The following GRIA1 variants were observed in gnomAD, a reference collection of about 807,000 sequenced individuals.
GRIA1 encodes glutamate ionotropic receptor AMPA type subunit 1, also known as glutamate receptor 1.
In GRIA1, 31 loss-of-function variants were observed where a neutral mutation model predicts 99.2. The observed-to-expected ratio is 0.31, with a 90% CI of 0.23 to 0.42. GRIA1 has a LOEUF of 0.42. Among genes scored for constraint, GRIA1 ranks in the 10% least tolerant of loss-of-function variants. GRIA1 has a pLI of 1.00. For missense variants in GRIA1, 782 were observed against 1,157.5 expected, an observed-to-expected ratio of 0.68 and a Z score of 4.71; for synonymous variants, 438 against 432.4, an observed-to-expected ratio of 1.01 and a Z score of -0.16.
At chr5:153,692,319 A>G (rs1581479404) in intron 8 of GRIA1, among the ~76,000 whole-genome samples, 1 of 152,198 alleles carries the variant, frequency 6.6e-6, no homozygotes, top group East Asian at 1.9e-4. Context: ...TGATTGATCT[A>G]GATTGAGGTT....
intron 1 of GRIA1, chr5:153,492,414 T>A: frequency 9.3e-7 from 1 of 1,077,062 alleles, no homozygotes; most frequent in Non-Finnish European, 1.2e-6. Flanking sequence ...CAACCTCCCA[T>A]CCTTTCTCTT....
intron 11 of GRIA1, among the ~76,000 whole-genome samples, chr5:153,709,213 CTA>C (rs1759134040): frequency 2.0e-5 from 3 of 152,194 alleles, no homozygotes; most frequent in African/African-American, 7.2e-5. Flanking sequence ...ATGCACAGCA[CTA>C]TGTTAGACAC....
At chr5:153,576,997 AATGGATGG>A (rs143441412) in intron 2 of GRIA1, among the ~76,000 whole-genome samples, 16,102 of 90,562 alleles carry the variant, frequency 0.18, 2,323 homozygotes, top group East Asian at 0.78. Flanking sequence ...TGAGTGGATG[AATGGATGG>A]ATGGATGGAT....
rs111888093 is a variant in GRIA1, at chr5:153,521,515, T to C, written c.220+27450T>C. On this transcript the variant is annotated intron_variant, in intron 2 of 15. Transcript: ENST00000285900. ...TCAGTGGGGAAGGAGAAATAGATCT[T>C]CCCGGGCAAAAAGAAGCAGCTCAGT... Among the ~76,000 whole-genome samples, 605 of 152,276 alleles carry C rather than the reference T, an allele frequency of 4.0e-3. 5 individuals are homozygous for C. Among genetic ancestry groups the C allele is most frequent in the Admixed American group, 7.2e-3 (110 of 15,300 alleles).
intron 2 of GRIA1, among the ~76,000 whole-genome samples, chr5:153,580,118 A>G (rs1464505261): frequency 1.3e-5 from 2 of 152,156 alleles, no homozygotes; most frequent in Non-Finnish European, 2.9e-5. Context: ...TTAACCTCAT[A>G]TGTAGCTGGT....
At chr5:153,565,821 G>T (rs1333345927) in intron 2 of GRIA1, among the ~76,000 whole-genome samples, 2 of 143,468 alleles carry the variant, frequency 1.4e-5, no homozygotes, top group Admixed American at 1.4e-4. Flanking sequence ...AATATTATAG[G>T]ACTATAGTAT....
intron 10 of GRIA1, among the ~76,000 whole-genome samples, chr5:153,701,574 TGGTGCCGCTGTACTCCA>T (rs1463181110): frequency 7.9e-6 from 1 of 125,848 alleles, no homozygotes; most frequent in Admixed American, 1.0e-4. Context: ...TGAGCCAAGA[TGGTGCCGCTGTACTCCA>T]GCCTGGGCGA....
At chr5:153,611,735 A>G (rs1328967611) in intron 2 of GRIA1, among the ~76,000 whole-genome samples, 2 of 152,234 alleles carry the variant, frequency 1.3e-5, no homozygotes, top group Non-Finnish European at 2.9e-5. Context: ...AAACAAACAA[A>G]CAAAAACTAA....
At chr5:153,668,312 T>A (rs1755896753) in intron 5 of GRIA1, among the ~76,000 whole-genome samples, 1 of 152,190 alleles carries the variant, frequency 6.6e-6, no homozygotes, top group Non-Finnish European at 1.5e-5. Context: ...CCTGTATAGG[T>A]CAAAAGTCAG....
chr5:153,768,793 A>G (rs554203935), intron 12 of GRIA1, among the ~76,000 whole-genome samples: 39 of 152,232 alleles, frequency 2.6e-4, no homozygotes, highest in Non-Finnish European at 5.0e-4. Context: ...ACTGAATTAT[A>G]TAGAATATAT....
At chr5:153,609,954 G>T (rs1765835304) in intron 2 of GRIA1, among the ~76,000 whole-genome samples, 1 of 152,120 alleles carries the variant, frequency 6.6e-6, no homozygotes, top group Non-Finnish European at 1.5e-5. Context: ...GTAAATGGAG[G>T]TTAACTATTT....
intron 3 of GRIA1, among the ~76,000 whole-genome samples, chr5:153,647,442 C>T (rs937685918): frequency 1.3e-5 from 2 of 152,130 alleles, no homozygotes; most frequent in African/African-American, 2.4e-5. Context: ...GGACCTCAGA[C>T]TTTGGAGTCA....
intron 15 of GRIA1, among the ~76,000 whole-genome samples, chr5:153,807,939 A>G (rs1766551320): frequency 6.6e-6 from 1 of 152,234 alleles, no homozygotes; most frequent in Admixed American, 6.5e-5. Context: ...GGCATGTTTA[A>G]GCTACAGCAA....
chr5:153,576,296 A>G (rs942916550), intron 2 of GRIA1, among the ~76,000 whole-genome samples: 1 of 152,354 alleles, frequency 6.6e-6, no homozygotes, highest in African/African-American at 2.4e-5. Context: ...TCCTAAGGAG[A>G]TTAGGAAATG....
chr5:153,519,226 C>T (rs1014612343), intron 2 of GRIA1, among the ~76,000 whole-genome samples: 2 of 151,988 alleles, frequency 1.3e-5, no homozygotes, highest in Non-Finnish European at 2.9e-5. Context: ...CACGCCACTG[C>T]ACTCCAGCCT....
intron 2 of GRIA1, among the ~76,000 whole-genome samples, chr5:153,530,079 T>C (rs1314084550): frequency 6.6e-6 from 1 of 152,218 alleles, no homozygotes; most frequent in African/African-American, 2.4e-5. Flanking sequence ...TGAGCACTTG[T>C]GCTGTGCCCA....
chr5:153,712,603 T>A (rs1561791894), intron 11 of GRIA1, among the ~76,000 whole-genome samples: 1 of 129,800 alleles, frequency 7.7e-6, no homozygotes, highest in African/African-American at 3.0e-5. Flanking sequence ...ACTGTAGTAT[T>A]GTGGGGAAGA....
intron 14 of GRIA1, among the ~76,000 whole-genome samples, chr5:153,799,408 C>T (rs1765854602): frequency 2.6e-5 from 4 of 152,190 alleles, no homozygotes; most frequent in Admixed American, 2.6e-4. Flanking sequence ...AACAGAAGAC[C>T]ATGGCCTGAG....
chr5:153,782,381 A>G (rs1036051739), intron 13 of GRIA1, among the ~76,000 whole-genome samples: 5 of 152,244 alleles, frequency 3.3e-5, no homozygotes, highest in African/African-American at 1.2e-4. Context: ...GATGAAGACT[A>G]GTGAACAGGG....
Sources: allele counts gnomAD v4.1 joint callset (sites outside exome capture counted in the v4.1 genomes callset), GRCh38; gene constraint gnomAD v4.1.1; transcripts MANE v1.5; gene names NCBI Gene and HGNC (gene_info 2026-07-23, HGNC 2026-07-21).